The following STAG2 variants were observed in gnomAD, a reference collection of about 807,000 sequenced individuals.
STAG2 encodes STAG2 cohesin complex component.
A neutral mutation model predicts 108.1 loss-of-function variants in STAG2; 14 were observed. The observed-to-expected ratio is 0.13, with a 90% CI of 0.09 to 0.20. STAG2 has a LOEUF of 0.20. Ranked by LOEUF, STAG2 falls within the 10% of genes least tolerant of loss-of-function variation. STAG2 has a pLI of 1.00. For synonymous variants in STAG2, 307 were observed against 302.7 expected, an observed-to-expected ratio of 1.01 and a Z score of -0.15; for missense variants, 440 against 940.9, an observed-to-expected ratio of 0.47 and a Z score of 6.96.
At chrX:124,005,610 C>T (rs2056250331) in intron 1 of STAG2, among the ~76,000 whole-genome samples, 1 of 111,957 alleles carries the variant, frequency 8.9e-6, no homozygotes, top group Non-Finnish European at 1.9e-5. Context: ...TTGCATTTAG[C>T]ATAGTTTCCT....
chrX:123,970,799 T>TA (rs1485397883), intron 1 of STAG2, among the ~76,000 whole-genome samples: 1 of 112,300 alleles, frequency 8.9e-6, no homozygotes, highest in Non-Finnish European at 1.9e-5. Flanking sequence ...ACTGAACTCT[T>TA]ACCATATGCC....
At chrX:124,095,562 A>G in intron 34 of STAG2, 113 bp downstream of exon 34, 1 of 563,056 alleles carries the variant, frequency 1.8e-6, no homozygotes, top group Non-Finnish European at 2.9e-6. Context: ...AAACAGCTGG[A>G]TGTGAGAAAA....
chrX:124,047,124 A>G (rs1487148905), intron 8 of STAG2, among the ~76,000 whole-genome samples: 1 of 111,852 alleles, frequency 8.9e-6, no homozygotes, highest in Non-Finnish European at 1.9e-5. Context: ...TTTGCCGTGA[A>G]TGAAATGGGT....
Position 124,057,873 on chromosome X carries a change from A to T in STAG2, c.1312A>T (p.Ser438Cys), listed in dbSNP as rs762549395. The change falls in exon 15 of 35, where the codon AGT (serine) becomes TGT (cysteine). Residue 438 changes from serine to cysteine, a missense_variant. Ser to Cys is a moderately radical substitution (Grantham distance 112). This residue lies in a region of STAG2 where 337 missense variants were observed against 649.3 expected (regional missense o/e 0.52). Transcript: ENST00000371145. ...AGEFLYKKLF[S>C]RRDPEEDGMM... ...ATTTTACTTTTTTCACAGGCTCTTC[A>T]GTCGTAGAGATCCAGAGGAGGATGG... 2 of 1,146,998 alleles carry T rather than the reference A, an allele frequency of 1.7e-6. No homozygotes were observed. The highest frequency in any genetic ancestry group is 2.3e-6 in the Non-Finnish European group (2 of 861,364). 94.5% of individuals were successfully genotyped at this position (1,146,998 alleles called of 1,213,427 possible).
intron 25 of STAG2, among the ~76,000 whole-genome samples, chrX:124,072,134 C>T (rs1301484508): frequency 9.0e-6 from 1 of 111,383 alleles, no homozygotes; most frequent in Non-Finnish European, 1.9e-5. Context: ...CCTTTAGCCT[C>T]CTGAGTAGCT....
intron 29 of STAG2, among the ~76,000 whole-genome samples, chrX:124,085,774 A>C (rs2059087625): frequency 1.8e-4 from 1 of 5,416 alleles, no homozygotes; most frequent in African/African-American, 2.5e-4. Context: ...ACTGTGTCTC[A>C]AAAAAAAAAA....
intron 34 of STAG2, 119 bp downstream of exon 34, chrX:124,095,568 GAAAAA>G: frequency 3.7e-6 from 2 of 535,599 alleles, no homozygotes; most frequent in Middle Eastern, 3.3e-4. Context: ...CTGGATGTGA[GAAAAA>G]GAGGCAGGCA....
At chrX:124,020,165 A>C (rs1432543623) in intron 1 of STAG2, among the ~76,000 whole-genome samples, 1 of 112,499 alleles carries the variant, frequency 8.9e-6, no homozygotes, top group Non-Finnish European at 1.9e-5. Context: ...AGTATATCGC[A>C]CAATATTCAT....
At chrX:124,031,658 T>A (rs1268063321) in intron 5 of STAG2, among the ~76,000 whole-genome samples, 1 of 109,287 alleles carries the variant, frequency 9.2e-6, no homozygotes, top group Non-Finnish European at 1.9e-5. Flanking sequence ...CCTCAAGTAA[T>A]CTGCCCTCCT....
chrX:124,083,601 G>A (rs2059018359), intron 29 of STAG2, 52 bp downstream of exon 29: 6 of 1,016,378 alleles, frequency 5.9e-6, no homozygotes, highest in Non-Finnish European at 7.8e-6. Flanking sequence ...GATTCTTAAG[G>A]GCAATTTTTA....
At chrX:124,004,919 G>A (rs1240779104) in intron 1 of STAG2, among the ~76,000 whole-genome samples, 1 of 111,091 alleles carries the variant, frequency 9.0e-6, no homozygotes, top group African/African-American at 3.3e-5. Context: ...AATTGACATT[G>A]ATACAGTCCA....
At chrX:124,055,765 A>T (rs2058178079) in intron 13 of STAG2, among the ~76,000 whole-genome samples, 1 of 111,853 alleles carries the variant, frequency 8.9e-6, no homozygotes, top group East Asian at 2.8e-4. Context: ...ATTACTATGA[A>T]ATATAAGGAA....
At position 124,071,149 on chromosome X, in the gene STAG2, G is replaced by T. The variant is rs1299199661; in HGVS notation, c.2359G>T (p.Ala787Ser). ...TNVNTTVKEQ[A>S]FTILCDILMI... is the part of the protein sequence containing the mutation. Reference sequence around the variant, plus strand: ...TCCTCTTTTTTTTTTTTTTAAATAGGCCTTCACTATTCTGTGTGATATTTT... The same window carrying T: ...TCCTCTTTTTTTTTTTTTTAAATAGTCCTTCACTATTCTGTGTGATATTTT... Residue 787 changes from alanine (A) to serine (S), a missense_variant and splice_region_variant, in exon 25 of 35, where the codon GCC becomes TCC. Physicochemically the swap from Ala to Ser is moderately conservative, Grantham distance 99 (BLOSUM62 1). Coordinates refer to ENST00000371145, the MANE Select transcript of STAG2 (RefSeq NM_001042750.2). 1 of 1,111,990 alleles carries T rather than the reference G, an allele frequency of 9.0e-7. No individual in the cohort carries two copies. 91.6% of individuals were successfully genotyped at this position (1,111,990 alleles called of 1,213,427 possible). A position where few individuals can be genotyped will look rare whatever the true frequency, so the allele number is the denominator to read the frequency against.
At chrX:124,041,792 T>C (rs2057729269) in intron 6 of STAG2, among the ~76,000 whole-genome samples, 1 of 111,498 alleles carries the variant, frequency 9.0e-6, no homozygotes. Flanking sequence ...AATGTGTACC[T>C]TTTCTTTTTT....
intron 13 of STAG2, among the ~76,000 whole-genome samples, chrX:124,053,869 TAAAGA>T (rs770941467): frequency 8.9e-6 from 1 of 112,266 alleles, no homozygotes; most frequent in East Asian, 2.8e-4. Context: ...GCAAATCAAT[TAAAGA>T]AATCTGTAAT....
chrX:124,051,766 A>C (rs760778370), intron 13 of STAG2, among the ~76,000 whole-genome samples: 2 of 109,868 alleles, frequency 1.8e-5, no homozygotes, highest in Non-Finnish European at 3.8e-5. Flanking sequence ...TATTTTTTGT[A>C]TTTTTAGTAG....
Position 124,001,247 on chromosome X carries a change from C to T in STAG2, c.-162-20120C>T, listed in dbSNP as rs771394917. ...CTGGGACTACAGGCGCGTGCCACCACGCCTGGCTAATTTTTTCTATTTTTA... is the reference window on the plus strand; with the variant it reads ...CTGGGACTACAGGCGCGTGCCACCATGCCTGGCTAATTTTTTCTATTTTTA... On this transcript the variant is annotated intron_variant, in intron 1 of 34. Transcript: ENST00000371145. Among the ~76,000 whole-genome samples the T allele has an allele frequency of 6.4e-3, 708 of 110,818 alleles. 7 individuals are homozygous for T. Among genetic ancestry groups the T allele is most frequent in the African/African-American group, 0.022 (674 of 30,471 alleles).
chrX:124,035,077 C>A (rs893122153), intron 5 of STAG2, among the ~76,000 whole-genome samples: 26 of 109,715 alleles, frequency 2.4e-4, no homozygotes, highest in Non-Finnish European at 4.4e-4. Context: ...TTGTTTGTAC[C>A]TTTTGGTAGA....
At position 124,086,441 on chromosome X, in the gene STAG2, G is replaced by A. The variant is rs1400545832; in HGVS notation, c.3054-106G>A. 12 of 551,536 alleles carry A rather than the reference G, an allele frequency of 2.2e-5. No homozygotes were observed. The East Asian group carries it at 3.9e-4, about 18-fold the overall frequency. 45.5% of individuals were successfully genotyped at this position (551,536 alleles called of 1,213,427 possible). On this transcript the variant is annotated intron_variant, in intron 29 of 34. Coordinates refer to ENST00000371145, the MANE Select transcript of STAG2 (RefSeq NM_001042750.2). The stretch of plus-strand genomic sequence containing the variant: ...AACATTGTTCATTAATGTCCTGTAA[G>A]GCTGAGTTTGAGTAGTGAAGTAATA...
Sources: gnomAD v4.1 joint callset for allele counts (sites outside exome capture counted in the v4.1 genomes callset) on GRCh38, gnomAD v4.1.1 for gene constraint, gnomAD v4.1.1 regional missense constraint, MANE v1.5 for transcripts, NCBI Gene and HGNC (gene_info 2026-07-23, HGNC 2026-07-21) for gene names.